The following SLC25A13 variants were observed in gnomAD, a reference collection of about 807,000 sequenced individuals.
The protein encoded by SLC25A13 is electrogenic aspartate/glutamate antiporter SLC25A13, mitochondrial.
Under a neutral mutation model 85.5 loss-of-function variants are expected in SLC25A13, and 70 were observed. The observed-to-expected ratio is 0.82, with a 90% CI of 0.68 to 1.00. The LOEUF (loss-of-function observed/expected upper bound fraction) is 1.00. Among genes scored for constraint, SLC25A13 ranks in the 50% least tolerant of loss-of-function variants. The probability of loss-of-function intolerance (pLI) is 0.00; values close to 1 mark genes in which losing one functional copy is unlikely to be tolerated. For synonymous variants in SLC25A13, 259 were observed against 288.7 expected, an observed-to-expected ratio of 0.90 and a Z score of 1.04; for missense variants, 765 against 819.8, an observed-to-expected ratio of 0.93 and a Z score of 0.82.
intron 1 of SLC25A13, among the ~76,000 whole-genome samples, chr7:96,300,475 A>G (rs1799508734): frequency 6.6e-6 from 1 of 152,214 alleles, no homozygotes; most frequent in African/African-American, 2.4e-5. Flanking sequence ...AATGGTATCT[A>G]TTACTATTTG....
intron 3 of SLC25A13, among the ~76,000 whole-genome samples, chr7:96,275,145 G>A (rs1173810880): frequency 1.3e-5 from 2 of 152,136 alleles, no homozygotes; most frequent in Non-Finnish European, 2.9e-5. Context: ...AGCATGGAAT[G>A]TTCTTCCATT....
chr7:96,217,802 A>G lies in SLC25A13; in HGVS notation c.329-8825T>C, dbSNP rs562201754. Among the ~76,000 whole-genome samples, 7 of 152,010 alleles carry G rather than the reference A, an allele frequency of 4.6e-5. No individual in the cohort carries two copies. The South Asian group carries it at 1.5e-3, about 32-fold the overall frequency. On this transcript the variant is annotated intron_variant, in intron 4 of 17. Coordinates refer to ENST00000265631, the MANE Select transcript of SLC25A13 (RefSeq NM_014251.3). ...GTTGGGGTGATGAAAATGTTCTACA[A>G]TTGAATGTGGTGATAATTGTACAAA... is the stretch of plus-strand genomic sequence containing the variant.
intron 4 of SLC25A13, among the ~76,000 whole-genome samples, chr7:96,209,900 A>C (rs79676830): frequency 0.011 from 1,733 of 152,248 alleles, 30 homozygotes; most frequent in African/African-American, 0.039. Context: ...AAATATATCT[A>C]CCAAACCTGC....
At chr7:96,298,702 G>A (rs1799442090) in intron 1 of SLC25A13, among the ~76,000 whole-genome samples, 1 of 152,096 alleles carries the variant, frequency 6.6e-6, no homozygotes, top group African/African-American at 2.4e-5. Context: ...CAAAACGCTG[G>A]GATTACAGGC....
chr7:96,131,178 T>C (rs1358064826), intron 15 of SLC25A13, among the ~76,000 whole-genome samples: 1 of 152,198 alleles, frequency 6.6e-6, no homozygotes, highest in African/African-American at 2.4e-5. Flanking sequence ...TGGTTAATTA[T>C]TTTCTATCGA....
intron 2 of SLC25A13, among the ~76,000 whole-genome samples, chr7:96,296,488 T>TC (rs1301372289): frequency 6.6e-6 from 1 of 152,054 alleles, no homozygotes; most frequent in East Asian, 1.9e-4. Context: ...TTTTCTTTTT[T>TC]TTTTTTTTTC....
intron 1 of SLC25A13, among the ~76,000 whole-genome samples, chr7:96,314,502 G>A (rs1367139130): frequency 6.6e-6 from 1 of 152,102 alleles, no homozygotes; most frequent in Non-Finnish European, 1.5e-5. Context: ...CCTCCAAGCA[G>A]AACCAACACA....
At chr7:96,270,040 AGAGACC>A (rs75064206) in intron 3 of SLC25A13, among the ~76,000 whole-genome samples, 43 of 152,222 alleles carry the variant, frequency 2.8e-4, no homozygotes, top group Non-Finnish European at 5.1e-4. Context: ...AGTAAGCTCA[AGAGACC>A]TATTGTACAA....
chr7:96,143,624 T>C (rs558405181), intron 14 of SLC25A13, among the ~76,000 whole-genome samples: 1 of 152,348 alleles, frequency 6.6e-6, no homozygotes, highest in African/African-American at 2.4e-5. Flanking sequence ...AACTATTTCT[T>C]ACTTTAGGAA....
At chr7:96,217,815 A>G (rs1795951531) in intron 4 of SLC25A13, among the ~76,000 whole-genome samples, 1 of 151,862 alleles carries the variant, frequency 6.6e-6, no homozygotes, top group Non-Finnish European at 1.5e-5. Context: ...GAATGTGGTG[A>G]TAATTGTACA....
chr7:96,175,599 G>A (rs905162414), intron 11 of SLC25A13, among the ~76,000 whole-genome samples: 1 of 152,228 alleles, frequency 6.6e-6, no homozygotes, highest in Admixed American at 6.5e-5. Flanking sequence ...GTTCCACCCA[G>A]GCTGTCCGAC....
chr7:96,195,590 T>C (rs1473446431), intron 5 of SLC25A13, among the ~76,000 whole-genome samples: 2 of 152,132 alleles, frequency 1.3e-5, no homozygotes, highest in African/African-American at 4.8e-5. Context: ...AAATCTCCAA[T>C]GACCCTTCAT....
At chr7:96,266,354 C>A (rs1032054162) in intron 3 of SLC25A13, among the ~76,000 whole-genome samples, 1 of 152,184 alleles carries the variant, frequency 6.6e-6, no homozygotes, top group Non-Finnish European at 1.5e-5. Flanking sequence ...TTCTCTCCTA[C>A]ATTGTCAATC....
chr7:96,305,520 C>A (rs1006460973), intron 1 of SLC25A13, among the ~76,000 whole-genome samples: 2 of 152,152 alleles, frequency 1.3e-5, no homozygotes, highest in Non-Finnish European at 2.9e-5. Context: ...GTAATTACCA[C>A]GCCCAATATA....
intron 13 of SLC25A13, among the ~76,000 whole-genome samples, chr7:96,157,246 G>A (rs572861724): frequency 1.3e-5 from 2 of 151,960 alleles, no homozygotes; most frequent in Non-Finnish European, 2.9e-5. Context: ...ATGTGAAATG[G>A]TCCTCACGGC....
intron 14 of SLC25A13, among the ~76,000 whole-genome samples, chr7:96,139,937 T>C (rs1356286982): frequency 2.7e-5 from 4 of 149,330 alleles, no homozygotes; most frequent in Non-Finnish European, 5.9e-5. Context: ...AGATATCTGA[T>C]TTCCATTCTT....
chr7:96,310,417 T>C (rs1199338916), intron 1 of SLC25A13, among the ~76,000 whole-genome samples: 1 of 152,240 alleles, frequency 6.6e-6, no homozygotes, highest in Non-Finnish European at 1.5e-5. Flanking sequence ...AAGAACATTT[T>C]TAGGTTCATG....
intron 13 of SLC25A13, among the ~76,000 whole-genome samples, chr7:96,163,368 G>C (rs1237235745): frequency 6.6e-6 from 1 of 152,152 alleles, no homozygotes; most frequent in African/African-American, 2.4e-5. Flanking sequence ...TTACAAGAGT[G>C]AGCCACCTTG....
rs114635653 is a variant in SLC25A13 at position 96,216,293 on chromosome 7, G to C, written c.329-7316C>G. ...AGAGAAAAAGGAACACTTATGTACT[G>C]TTGGTGGGAGTGTAAATTAGTTTAA... On this transcript the variant is annotated intron_variant, in intron 4 of 17. Transcript: ENST00000265631. Among the ~76,000 whole-genome samples, 1,252 of 152,302 alleles carry C rather than the reference G, an allele frequency of 8.2e-3. 15 individuals are homozygous for C. The highest frequency in any genetic ancestry group is 0.028 in the African/African-American group (1,161 of 41,568).
Sources: allele counts gnomAD v4.1 joint callset (sites outside exome capture counted in the v4.1 genomes callset), GRCh38; gene constraint gnomAD v4.1.1; transcripts MANE v1.5; gene names NCBI Gene and HGNC (gene_info 2026-07-23, HGNC 2026-07-21).